Variants in FDFT1 observed in about 807,000 individuals in gnomAD.
FDFT1 encodes the protein squalene synthase.
FDFT1 carries 68 observed loss-of-function variants against 46.8 expected under a neutral mutation model. The ratio of observed to expected loss-of-function variants is 1.45; its 90% confidence interval spans 1.19 to 1.78. The LOEUF (loss-of-function observed/expected upper bound fraction) is 1.78, where lower values mean the gene tolerates loss of function less well. Among genes scored for constraint, FDFT1 ranks in the 40% most tolerant of loss-of-function variants. The pLI is 0.00. For synonymous variants in FDFT1, 351 were observed against 185.1 expected, an observed-to-expected ratio of 1.90 and a Z score of -7.28; for missense variants, 928 against 524.4, an observed-to-expected ratio of 1.77 and a Z score of -7.52.
chr8:11,802,998 G>A (rs902997442), intron 1 of FDFT1, 67 bp downstream of exon 1: 55 of 1,540,650 alleles, frequency 3.6e-5, no homozygotes, highest in African/African-American at 5.5e-5. Context: ...CAGGGCCTGA[G>A]CGGCCGGGCC....
Position 11,831,656 on chromosome 8 carries a change from CAGT to C in FDFT1, c.1020_1022del (p.Gln340_Tyr341delinsHis). ...GCCAGCTGTCAAAGCCATCATATATCAGTATATGGAAGAGGTGGGTTTTTATTT... is the reference window on the plus strand; with the variant it reads ...GCCAGCTGTCAAAGCCATCATATATCATATGGAAGAGGTGGGTTTTTATTT... On this transcript the variant is annotated inframe_deletion, in exon 7 of 8. Coordinates refer to ENST00000220584, the MANE Select transcript of FDFT1 (RefSeq NM_004462.5). The C allele has an allele frequency of 6.2e-7, 1 of 1,612,916 alleles. No individual in the cohort carries two copies. Among genetic ancestry groups the C allele is most frequent in the Non-Finnish European group, 8.5e-7 (1 of 1,178,872 alleles).
At chr8:11,831,228 A>T (rs184103113) in intron 6 of FDFT1, among the ~76,000 whole-genome samples, 3 of 152,208 alleles carry the variant, frequency 2.0e-5, no homozygotes. Context: ...AGCATGGAAA[A>T]TGTTGGATTT....
chr8:11,829,756 A>G (rs1457581580), intron 5 of FDFT1, among the ~76,000 whole-genome samples: 3 of 152,142 alleles, frequency 2.0e-5, no homozygotes, highest in African/African-American at 2.4e-5. Context: ...AGAAATAGCT[A>G]TTGCATGGAG....
chr8:11,797,185 C>T (rs977332340), intron 1 of FDFT1, among the ~76,000 whole-genome samples: 18 of 152,310 alleles, frequency 1.2e-4, no homozygotes, highest in Admixed American at 2.6e-4. Context: ...AGCTAGTCCT[C>T]AATTTGGTCG....
intron 7 of FDFT1, among the ~76,000 whole-genome samples, chr8:11,835,673 G>C (rs1367147015): frequency 6.6e-6 from 1 of 152,030 alleles, no homozygotes; most frequent in Non-Finnish European, 1.5e-5. Context: ...AGTACAACAG[G>C]CTAACAAAGT....
chr8:11,801,323 T>C (rs191423694), upstream of FDFT1, among the ~76,000 whole-genome samples: 124 of 152,320 alleles, frequency 8.1e-4, no homozygotes, highest in African/African-American at 2.8e-3. Flanking sequence ...CTGACAGGTT[T>C]CCTGTTTGTT....
intron 7 of FDFT1, 162 bp downstream of exon 7, chr8:11,831,832 A>G: frequency 1.6e-6 from 1 of 642,758 alleles, no homozygotes; most frequent in South Asian, 1.9e-5. Context: ...AAGTCTATTC[A>G]CAGGAGCCGA....
At chr8:11,814,303 T>TG (rs1177618701) in intron 3 of FDFT1, among the ~76,000 whole-genome samples, 1 of 151,404 alleles carries the variant, frequency 6.6e-6, no homozygotes, top group African/African-American at 2.4e-5. Context: ...TTTATAGGTT[T>TG]TTTTTTTTTT....
chr8:11,825,886 G>A (rs894555633), intron 4 of FDFT1, 138 bp from the exon 5 acceptor site: 2 of 483,154 alleles, frequency 4.1e-6, no homozygotes, highest in African/African-American at 3.9e-5. Context: ...ATCCTGGTAT[G>A]TATATTTGTA....
chr8:11,803,061 T>TC (rs1406380289), intron 1 of FDFT1, 130 bp downstream of exon 1: 3 of 1,453,408 alleles, frequency 2.1e-6, no homozygotes, highest in Admixed American at 5.2e-5. Flanking sequence ...GGTGTTCCCG[T>TC]CCCCCTTTCC....
intron 1 of FDFT1, chr8:11,808,430 G>GA: frequency 7.9e-7 from 1 of 1,261,100 alleles, no homozygotes; most frequent in African/African-American, 1.5e-5. Flanking sequence ...TATTCGAGTA[G>GA]AGGGCGAGCC....
At chr8:11,837,411 T>C (rs34208771) in intron 7 of FDFT1, among the ~76,000 whole-genome samples, 1,577 of 152,276 alleles carry the variant, frequency 0.01, 11 homozygotes, top group South Asian at 0.018. Context: ...TTTGTACATT[T>C]TGTAGAAACA....
In FDFT1 at chr8:11,823,361, T is replaced by C. The variant is rs948044847; in HGVS notation, c.510+1483T>C. 9.2e-5 allele frequency among the ~76,000 whole-genome samples: 14 copies of C among 152,256 alleles called. No individual in the cohort carries two copies. In the East Asian group the frequency reaches 2.5e-3, roughly 27 times the overall value. On this transcript the variant is annotated intron_variant, in intron 4 of 7. Coordinates refer to ENST00000220584, the MANE Select transcript of FDFT1 (RefSeq NM_004462.5). ...TATTATCTTCAAATATATTTTTGGA[T>C]AGTACTATAGATATACTAATTTTTT...
intron 3 of FDFT1, among the ~76,000 whole-genome samples, chr8:11,815,929 T>C (rs375448154): frequency 2.6e-5 from 4 of 152,236 alleles, no homozygotes; most frequent in East Asian, 3.8e-4. Flanking sequence ...GTTTTAGTCA[T>C]GAAGTCTTTG....
intron 4 of FDFT1, 51 bp from the exon 5 acceptor site, chr8:11,825,973 A>C: frequency 7.3e-7 from 1 of 1,362,182 alleles, no homozygotes; most frequent in Non-Finnish European, 1.0e-6. Context: ...TAGTGTGTCC[A>C]TTTCAGTAAA....
intron 7 of FDFT1, among the ~76,000 whole-genome samples, chr8:11,833,624 C>T (rs1187450004): frequency 6.6e-6 from 1 of 152,134 alleles, no homozygotes; most frequent in Non-Finnish European, 1.5e-5. Context: ...CGAGGGTGGG[C>T]AGTCTACAGT....
intron 7 of FDFT1, among the ~76,000 whole-genome samples, chr8:11,833,004 C>T (rs1811057066): frequency 6.6e-6 from 1 of 152,146 alleles, no homozygotes; most frequent in South Asian, 2.1e-4. Context: ...TTGCATATTG[C>T]ACATTCTTCT....
intron 7 of FDFT1, 82 bp from the exon 8 acceptor site, chr8:11,838,306 C>T (rs1439035270): frequency 1.1e-5 from 12 of 1,049,866 alleles, no homozygotes; most frequent in South Asian, 3.9e-5. Flanking sequence ...TATAAAATAC[C>T]TGCCAGTGGA....
intron 3 of FDFT1, among the ~76,000 whole-genome samples, chr8:11,811,488 A>C (rs1432692333): frequency 6.6e-6 from 1 of 152,240 alleles, no homozygotes; most frequent in African/African-American, 2.4e-5. Flanking sequence ...AAGTGAGGGA[A>C]TATGAAAGTG....
Sources: gnomAD v4.1 joint callset for allele counts (sites outside exome capture counted in the v4.1 genomes callset) on GRCh38, gnomAD v4.1.1 for gene constraint, MANE v1.5 for transcripts, NCBI Gene and HGNC (gene_info 2026-07-23, HGNC 2026-07-21) for gene names.